The following GRM5 variants were observed in gnomAD, a reference collection of about 807,000 sequenced individuals.
GRM5 encodes glutamate metabotropic receptor 5.
A neutral mutation model predicts 83.1 loss-of-function variants in GRM5; 19 were observed. The ratio of observed to expected loss-of-function variants is 0.23; its 90% CI spans 0.16 to 0.34. The LOEUF is 0.34. Ranked by LOEUF, GRM5 falls within the 10% of genes least tolerant of loss-of-function variation. The probability of loss-of-function intolerance (pLI) is 1.00; values close to 1 mark genes in which losing one functional copy is unlikely to be tolerated. For missense variants in GRM5, 1,160 were observed against 1,588.3 expected, an observed-to-expected ratio of 0.73 and a Z score of 4.58; for synonymous variants, 675 against 633.6, an observed-to-expected ratio of 1.07 and a Z score of -0.98.
At chr11:89,038,706 G>A (rs1349764305) in intron 2 of GRM5, among the ~76,000 whole-genome samples, 7 of 152,204 alleles carry the variant, frequency 4.6e-5, no homozygotes, top group Admixed American at 4.6e-4. Flanking sequence ...GATACTCTCA[G>A]TGGAGAAACA....
chr11:88,608,875 A>G (rs984246183), intron 4 of GRM5, among the ~76,000 whole-genome samples: 1 of 152,120 alleles, frequency 6.6e-6, no homozygotes, highest in African/African-American at 2.4e-5. Context: ...TCTGGCACAC[A>G]GTTGGCCACC....
chr11:89,046,348 G>A (rs1282807471), intron 2 of GRM5, among the ~76,000 whole-genome samples: 1 of 151,940 alleles, frequency 6.6e-6, no homozygotes, highest in Non-Finnish European at 1.5e-5. Context: ...ATCTTCTTCA[G>A]TATTCTATAG....
At chr11:88,957,646 T>A (rs546980) in intron 2 of GRM5, among the ~76,000 whole-genome samples, 63,279 of 152,030 alleles carry the variant, frequency 0.42, 13,907 homozygotes, top group Non-Finnish European at 0.47. Flanking sequence ...CATATAAATA[T>A]ATTTCATTTA....
chr11:88,878,870 T>C (rs1045338414), intron 2 of GRM5, among the ~76,000 whole-genome samples: 3 of 152,124 alleles, frequency 2.0e-5, no homozygotes, highest in African/African-American at 7.2e-5. Context: ...CATTTAGGGC[T>C]TTCTGGAAAA....
chr11:88,882,184 C>T (rs10831541), intron 2 of GRM5, among the ~76,000 whole-genome samples: 2,475 of 151,714 alleles, frequency 0.016, 45 homozygotes, highest in East Asian at 0.068. Context: ...TTGCCATGAG[C>T]TAAGATTCTG....
chr11:88,730,851 T>C (rs1032913444), intron 3 of GRM5, among the ~76,000 whole-genome samples: 1 of 151,876 alleles, frequency 6.6e-6, no homozygotes, highest in Non-Finnish European at 1.5e-5. Flanking sequence ...GGGAACACCA[T>C]ACACTGGGGC....
chr11:88,775,577 A>G (rs1019380325), intron 3 of GRM5, among the ~76,000 whole-genome samples: 1 of 152,160 alleles, frequency 6.6e-6, no homozygotes, highest in Admixed American at 6.5e-5. Context: ...GTGGGCATTT[A>G]GTGCTATAAA....
rs1941135824 is a variant in GRM5 at position 88,504,680 on chromosome 11, G to T, written c.*3912C>A. On this transcript the variant is annotated 3_prime_UTR_variant, in exon 10 of 10. Transcript: ENST00000305447. ...GAAACAGGCAAGTATATTTTGAAGT[G>T]CTAAAATAAAACATATTTATACAAG... is the stretch of plus-strand genomic sequence containing the variant. 6.6e-6 allele frequency: 1 copy of T among 151,908 alleles called. No individual in the cohort carries two copies. 9.4% of individuals were successfully genotyped at this position (151,908 alleles called of 1,614,324 possible).
At chr11:88,540,465 G>A (rs1444987643) in intron 8 of GRM5, among the ~76,000 whole-genome samples, 1 of 152,114 alleles carries the variant, frequency 6.6e-6, no homozygotes, top group East Asian at 1.9e-4. Context: ...ACATGCGAGG[G>A]GTGAAGACTG....
At chr11:88,521,054 CTCAAAGAGAGACTAGGAGGCTCAGAATG>C (rs2135098238) in intron 9 of GRM5, among the ~76,000 whole-genome samples, 1 of 152,174 alleles carries the variant, frequency 6.6e-6, no homozygotes, top group Admixed American at 6.5e-5. Context: ...GGAGCCCTTC[CTCAAAGAGAGACTAGGAGGCTCAGAATG>C]TCTTTGTTTC....
intron 2 of GRM5, among the ~76,000 whole-genome samples, chr11:88,987,103 T>G (rs1289992802): frequency 2.0e-5 from 3 of 152,016 alleles, no homozygotes; most frequent in Non-Finnish European, 4.4e-5. Flanking sequence ...GGTACCGGGT[T>G]CATCTCACTA....
intron 3 of GRM5, among the ~76,000 whole-genome samples, chr11:88,664,242 A>G (rs890974859): frequency 6.6e-6 from 1 of 151,958 alleles, no homozygotes; most frequent in South Asian, 2.1e-4. Flanking sequence ...GCTTATGCCT[A>G]TATTCTGCTA....
At chr11:88,824,421 G>A (rs1943857700) in intron 3 of GRM5, among the ~76,000 whole-genome samples, 1 of 152,128 alleles carries the variant, frequency 6.6e-6, no homozygotes. Flanking sequence ...CACAAGCACT[G>A]TGGCTTATTT....
chr11:88,854,783 A>T (rs10765809), intron 2 of GRM5, among the ~76,000 whole-genome samples: 7,348 of 151,966 alleles, frequency 0.048, 328 homozygotes, highest in African/African-American at 0.11. Flanking sequence ...GATATAAAAT[A>T]AAATTAAATT....
At position 88,729,064 on chromosome 11, in the gene GRM5, G is replaced by A. The variant is rs547384542; in HGVS notation, c.912-75661C>T. On this transcript the variant is annotated intron_variant, in intron 3 of 9. Coordinates refer to ENST00000305447, the MANE Select transcript of GRM5 (RefSeq NM_001143831.3). ...AAAGAAATAAAAGGTATTCAAATAG[G>A]TAGAGAGGAAGTAAAATTGTCTCTG... Among the ~76,000 whole-genome samples the A allele has an allele frequency of 6.6e-5, 10 of 152,240 alleles. No homozygotes were observed. In the South Asian group the frequency reaches 8.3e-4, roughly 13 times the overall value.
intron 7 of GRM5, among the ~76,000 whole-genome samples, chr11:88,587,888 C>CT (rs1943351301): frequency 1.3e-5 from 2 of 152,100 alleles, no homozygotes; most frequent in African/African-American, 4.8e-5. Context: ...TTTCCTGTTT[C>CT]TTTGTGTTTT....
intron 2 of GRM5, among the ~76,000 whole-genome samples, chr11:88,979,779 GA>G (rs11320548): frequency 0.082 from 12,292 of 149,196 alleles, 1,540 homozygotes; most frequent in African/African-American, 0.28. Context: ...TTTCTTTGTG[GA>G]AAAAAAAAAT....
chr11:89,028,869 T>A (rs533747842), intron 2 of GRM5, among the ~76,000 whole-genome samples: 1 of 152,150 alleles, frequency 6.6e-6, no homozygotes, highest in African/African-American at 2.4e-5. Flanking sequence ...ACACGTGCCA[T>A]GGTGGTTTGC....
chr11:88,531,160 G>A (rs553169670), intron 8 of GRM5, among the ~76,000 whole-genome samples: 3 of 152,224 alleles, frequency 2.0e-5, no homozygotes, highest in Non-Finnish European at 2.9e-5. Flanking sequence ...TGGAAGCAGC[G>A]TTGAGTTGCT....
Sources: allele counts gnomAD v4.1 joint callset (sites outside exome capture counted in the v4.1 genomes callset), GRCh38; gene constraint gnomAD v4.1.1; transcripts MANE v1.5; gene names NCBI Gene and HGNC (gene_info 2026-07-23, HGNC 2026-07-21).